The following ADGRD1 variants were observed in gnomAD, a reference collection of about 807,000 sequenced individuals.
ADGRD1 encodes G-protein coupled receptor 133.
Under a neutral mutation model 113.4 loss-of-function variants are expected in ADGRD1, and 77 were observed. That is an observed-to-expected ratio of 0.68 (90% CI 0.57 to 0.82). The LOEUF (loss-of-function observed/expected upper bound fraction) is 0.82. ADGRD1 is among the 40% of genes least tolerant of loss of function. The pLI is 0.00. For synonymous variants in ADGRD1, 474 were observed against 475.0 expected, an observed-to-expected ratio of 1.00 and a Z score of 0.03; for missense variants, 1,036 against 1,139.1, an observed-to-expected ratio of 0.91 and a Z score of 1.30.
intron 22 of ADGRD1, among the ~76,000 whole-genome samples, chr12:131,136,727 C>T (rs1248327770): frequency 6.6e-6 from 1 of 152,262 alleles, no homozygotes; most frequent in East Asian, 1.9e-4. Flanking sequence ...TGGGAACCCA[C>T]CTGCTGCCGC....
intron 3 of ADGRD1, chr12:130,969,069 G>C: frequency 6.7e-7 from 1 of 1,484,224 alleles, no homozygotes; most frequent in African/African-American, 1.4e-5. Context: ...CTCTGCAACT[G>C]TAGGTGAGCA....
intron 20 of ADGRD1, among the ~76,000 whole-genome samples, chr12:131,124,841 C>T (rs74528178): frequency 0.22 from 33,523 of 152,188 alleles, 4,620 homozygotes; most frequent in South Asian, 0.39. Context: ...ACACAAAATG[C>T]GAACATGGCC....
intron 13 of ADGRD1, among the ~76,000 whole-genome samples, chr12:131,054,470 C>T (rs1883674138): frequency 1.3e-5 from 2 of 152,328 alleles, no homozygotes; most frequent in Non-Finnish European, 1.5e-5. Flanking sequence ...TCCAGTTTTG[C>T]TTACTGGACT....
chr12:131,122,047 C>T (rs2136057643), intron 20 of ADGRD1: 1 of 152,358 alleles, frequency 6.6e-6, no homozygotes, highest in East Asian at 1.9e-4. Context: ...TCTGTGCTTT[C>T]CCTTCGGTAC....
At chr12:131,114,643 G>A (rs1950421627) in intron 18 of ADGRD1, among the ~76,000 whole-genome samples, 1 of 152,096 alleles carries the variant, frequency 6.6e-6, no homozygotes, top group Non-Finnish European at 1.5e-5. Context: ...ATGGTGGGGG[G>A]AGCCCCTGGG....
chr12:131,014,204 C>T lies in ADGRD1; in HGVS notation c.1337C>T (p.Ala446Val), dbSNP rs755377639. Reference sequence around the variant, plus strand: ...GATTTCCGTCTCTTCCCAAGGATCGCGGAGGCCATGCATCACCAGGACTGC... The same window carrying T: ...GATTTCCGTCTCTTCCCAAGGATCGTGGAGGCCATGCATCACCAGGACTGC... ...NNIWPAHTKI[A>V]EAMHHQDCLL... Residue 446 changes from alanine (A) to valine (V), a missense_variant, in exon 13 of 25, where the codon GCG becomes GTG. Transcript: ENST00000261654. The T allele has an allele frequency of 6.4e-5, 104 of 1,613,714 alleles. 1 individual carries two copies. The East Asian group carries it at 1.9e-3, about 29-fold the overall frequency.
chr12:131,074,096 A>G (rs764312374), intron 13 of ADGRD1, among the ~76,000 whole-genome samples: 4 of 152,238 alleles, frequency 2.6e-5, no homozygotes, highest in East Asian at 3.8e-4. Flanking sequence ...CTCTGCATGT[A>G]TCTCCTAGAA....
In ADGRD1 at chr12:130,997,452, C is replaced by T. The variant is rs553966154; in HGVS notation, c.967-2931C>T. 9.7e-4 allele frequency among the ~76,000 whole-genome samples: 138 copies of T among 141,572 alleles called. 1 individual carries two copies. In the South Asian group the frequency reaches 0.018, roughly 18 times the overall value. The allele number at this position is 141,572 out of a possible 152,430, so 92.9% of individuals were successfully genotyped here. A position where few individuals can be genotyped will look rare whatever the true frequency, so the allele number is the denominator to read the frequency against. ...GGGGCTCCTCACTTCTCAGACGGGG[C>T]GGTTGCCAGGCGGAGGGTCTCCTCA... is the stretch of plus-strand genomic sequence containing the variant. On this transcript the variant is annotated intron_variant, in intron 8 of 24. Coordinates refer to ENST00000261654, the MANE Select transcript of ADGRD1 (RefSeq NM_198827.5).
rs1882101852 is a variant in ADGRD1 at position 131,041,243 on chromosome 12, TG to T, written c.1473+26905del. On this transcript the variant is annotated intron_variant, in intron 13 of 24. Transcript: ENST00000261654. The surrounding 1 kb of genome is among the most constrained non-coding windows in gnomAD (Gnocchi z 4.4). The stretch of plus-strand genomic sequence containing the variant: ...GCACCCAGAAGGATCCTCCAGGGCC[TG>T]GTTCTTGGATGATCTTGTGGAGCCG... Among the ~76,000 whole-genome samples, 1 of 152,130 alleles carries T rather than the reference TG, an allele frequency of 6.6e-6. No individual in the cohort carries two copies. The highest frequency in any genetic ancestry group is 2.1e-4 in the South Asian group (1 of 4,820).
chr12:131,114,961 A>G (rs765301606), intron 18 of ADGRD1, among the ~76,000 whole-genome samples: 1 of 152,158 alleles, frequency 6.6e-6, no homozygotes, highest in Non-Finnish European at 1.5e-5. Context: ...ATTTTTCTTT[A>G]TTGCAACTTA....
Position 130,971,233 on chromosome 12 carries a change from TA to T in ADGRD1, c.188-222del, listed in dbSNP as rs988864778. The T allele has an allele frequency of 1.4e-5, 3 of 217,150 alleles. No individual in the cohort carries two copies. The highest frequency in any genetic ancestry group is 4.8e-5 in the African/African-American group (2 of 41,480). 13.5% of individuals were successfully genotyped at this position (217,150 alleles called of 1,614,324 possible). A position where few individuals can be genotyped will look rare whatever the true frequency, so the allele number is the denominator to read the frequency against. On this transcript the variant is annotated intron_variant, in intron 3 of 24. Transcript: ENST00000261654. The surrounding 1 kb of genome is among the most constrained non-coding windows in gnomAD (Gnocchi z 4.2). Reference sequence around the variant, plus strand: ...CAAATACATTAATATCATTTAATATTAAATTTTTATCTGACATACACATTAA... The same window carrying T: ...CAAATACATTAATATCATTTAATATTAATTTTTATCTGACATACACATTAA...
intron 22 of ADGRD1, 118 bp downstream of exon 22, chr12:131,136,281 G>A (rs934103469): frequency 8.8e-6 from 11 of 1,247,626 alleles, no homozygotes; most frequent in East Asian, 7.6e-5. Context: ...CACCTTAGGA[G>A]CCTGTAATGC....
chr12:130,974,679 T>G (rs376912656), intron 4 of ADGRD1, among the ~76,000 whole-genome samples: 2 of 152,200 alleles, frequency 1.3e-5, no homozygotes, highest in East Asian at 1.9e-4. Flanking sequence ...TTCCAAATCC[T>G]GATGTGGTCT....
At chr12:131,034,467 T>C (rs964609550) in intron 13 of ADGRD1, among the ~76,000 whole-genome samples, 1 of 152,192 alleles carries the variant, frequency 6.6e-6, no homozygotes, top group African/African-American at 2.4e-5. Flanking sequence ...ACTGTCTTAC[T>C]TGTGTGTTTG....
intron 13 of ADGRD1, among the ~76,000 whole-genome samples, chr12:131,039,653 G>A (rs1213128002): frequency 2.6e-5 from 4 of 152,162 alleles, no homozygotes; most frequent in African/African-American, 7.2e-5. Flanking sequence ...AACATGGGGC[G>A]CACCCACCCG....
Position 131,118,539 on chromosome 12 carries a change from C to T in ADGRD1, c.2108+88C>T, listed in dbSNP as rs938547380. On this transcript the variant is annotated intron_variant, in intron 19 of 24. Coordinates refer to ENST00000261654, the MANE Select transcript of ADGRD1 (RefSeq NM_198827.5). The stretch of plus-strand genomic sequence containing the variant: ...CCCGTGGCTCTTGCCTTCCTGTGCT[C>T]TTCTGGGTGCAGGGGTGCTGTGCAA... 2.9e-5 allele frequency: 28 copies of T among 952,492 alleles called. No homozygotes were observed. In the African/African-American group the frequency reaches 3.6e-4, roughly 12 times the overall value. The allele number at this position is 952,492 out of a possible 1,614,324, so 59.0% of individuals were successfully genotyped here.
Position 130,965,729 on chromosome 12 carries a change from A to G in ADGRD1, c.104-734A>G, listed in dbSNP as rs1870934840. Among the ~76,000 whole-genome samples the G allele has an allele frequency of 6.6e-6, 1 of 152,258 alleles. No individual in the cohort carries two copies. The highest frequency in any genetic ancestry group is 6.5e-5 in the Admixed American group (1 of 15,292). On this transcript the variant is annotated intron_variant, in intron 2 of 24. Coordinates refer to ENST00000261654, the MANE Select transcript of ADGRD1 (RefSeq NM_198827.5). This position sits in a 1 kb window ranked among gnomAD's most constrained non-coding sequence, Gnocchi z 4.8. ...AATTCATATAGCATTCAATGAGAAG[A>G]GCAGAATAGAAAATAACATACCTGC...
chr12:131,067,975 C>T (rs543467898), intron 13 of ADGRD1, among the ~76,000 whole-genome samples: 3 of 121,130 alleles, frequency 2.5e-5, no homozygotes, highest in Admixed American at 1.7e-4. Flanking sequence ...TATGTCTGAT[C>T]GCTGTGCCCC....
At chr12:131,092,261 G>T (rs1204850928) in intron 15 of ADGRD1, among the ~76,000 whole-genome samples, 1 of 152,200 alleles carries the variant, frequency 6.6e-6, no homozygotes, top group Non-Finnish European at 1.5e-5. Flanking sequence ...AGCGTTTCTT[G>T]CTGAAGCCAC....
Sources: gnomAD v4.1 joint callset for allele counts (sites outside exome capture counted in the v4.1 genomes callset) on GRCh38, gnomAD v4.1.1 for gene constraint, Gnocchi (gnomAD v3.1) non-coding constraint, MANE v1.5 for transcripts, NCBI Gene and HGNC (gene_info 2026-07-23, HGNC 2026-07-21) for gene names.